NADK2: variants seen among roughly 807,000 people sequenced by gnomAD.
NADK2 encodes the protein NAD kinase 2, mitochondrial.
NADK2 carries 35 observed loss-of-function variants against 62.1 expected under a neutral mutation model. The observed-to-expected ratio is 0.56, with a 90% CI of 0.43 to 0.75. NADK2 has a LOEUF of 0.75. Ranked by LOEUF, NADK2 falls within the 30% of genes least tolerant of loss-of-function variation. The pLI is 0.00. For synonymous variants in NADK2, 205 were observed against 207.9 expected, an observed-to-expected ratio of 0.99 and a Z score of 0.12; for missense variants, 439 against 561.3, an observed-to-expected ratio of 0.78 and a Z score of 2.20.
intron 2 of NADK2, among the ~76,000 whole-genome samples, chr5:36,227,061 T>C (rs1473414528): frequency 6.6e-6 from 1 of 152,210 alleles, no homozygotes; most frequent in African/African-American, 2.4e-5. Context: ...TGTACACATA[T>C]AATTGTGTTT....
At chr5:36,200,334 T>C (rs1290847671) in intron 9 of NADK2, 54 bp from the exon 10 acceptor site, 2 of 1,161,832 alleles carry the variant, frequency 1.7e-6, no homozygotes, top group African/African-American at 3.3e-5. Context: ...ATATCTTATA[T>C]ATATATTTTC....
At chr5:36,213,368 ATTC>A (rs967750484) in intron 6 of NADK2, among the ~76,000 whole-genome samples, 3 of 152,028 alleles carry the variant, frequency 2.0e-5, no homozygotes, top group Non-Finnish European at 2.9e-5. Flanking sequence ...ACATTGATCT[ATTC>A]TTCTCCTTTG....
intron 1 of NADK2, among the ~76,000 whole-genome samples, chr5:36,230,708 G>A (rs1029121257): frequency 2.0e-5 from 3 of 152,188 alleles, no homozygotes; most frequent in African/African-American, 7.2e-5. Context: ...AGTTAGATTA[G>A]TTACTATAGT....
chr5:36,207,344 A>C (rs958220203), intron 7 of NADK2, 79 bp from the exon 8 acceptor site: 1 of 1,040,418 alleles, frequency 9.6e-7, no homozygotes, highest in Non-Finnish European at 1.4e-6. Flanking sequence ...GAACTAAGGA[A>C]ATCTTAAGTA....
At chr5:36,215,639 T>C (rs1006709729) in intron 6 of NADK2, among the ~76,000 whole-genome samples, 2 of 152,172 alleles carry the variant, frequency 1.3e-5, no homozygotes, top group African/African-American at 4.8e-5. Context: ...ATCACTGTAC[T>C]CTCTATCTTC....
At chr5:36,207,077 C>T (rs751418388) in intron 8 of NADK2, 93 bp downstream of exon 8, 6 of 951,998 alleles carry the variant, frequency 6.3e-6, no homozygotes, top group Non-Finnish European at 1.0e-5. Flanking sequence ...CACCAGGACA[C>T]CTCTTGCATA....
chr5:36,230,736 T>G (rs1747678316), intron 1 of NADK2, among the ~76,000 whole-genome samples: 2 of 152,234 alleles, frequency 1.3e-5, no homozygotes, highest in Admixed American at 6.5e-5. Context: ...TTTGTTATAA[T>G]TATCTCTTAC....
At chr5:36,226,694 G>A (rs1479061934) in intron 2 of NADK2, 131 bp from the exon 3 acceptor site, 2 of 590,888 alleles carry the variant, frequency 3.4e-6, no homozygotes, top group Non-Finnish European at 5.9e-6. Flanking sequence ...AAATTTACAT[G>A]GAGCTTTATA....
upstream of NADK2, chr5:36,241,947 G>A (rs1748158329): frequency 1.7e-6 from 1 of 603,492 alleles, no homozygotes; most frequent in Non-Finnish European, 2.2e-6. This position sits in a 1 kb window ranked among gnomAD's most constrained non-coding sequence, Gnocchi z 4.9. Flanking sequence ...TGGCCCACGC[G>A]GCTAGGGGGA....
rs1313023770 is a variant in NADK2, at chr5:36,193,876, AT to A, written c.*1267del. 1.3e-5 allele frequency: 2 copies of A among 152,650 alleles called. No homozygotes were observed. The highest frequency in any genetic ancestry group is 2.9e-5 in the Non-Finnish European group (2 of 68,038). 9.5% of individuals were successfully genotyped at this position (152,650 alleles called of 1,614,324 possible). On this transcript the variant is annotated 3_prime_UTR_variant, in exon 12 of 12. Coordinates refer to ENST00000381937, the MANE Select transcript of NADK2 (RefSeq NM_001085411.3). ...TATAAGGATAGAGTCTGTTTCATTC[AT>A]CAACATATCCAGCACCTGACATAGT...
Position 36,195,110 on chromosome 5 carries a change from C to T in NADK2, c.*34G>A, listed in dbSNP as rs572380990. 44 of 1,578,744 alleles carry T rather than the reference C, an allele frequency of 2.8e-5. No homozygotes were observed. The African/African-American group carries it at 3.4e-4, about 12-fold the overall frequency. On this transcript the variant is annotated 3_prime_UTR_variant, in exon 12 of 12. Transcript: ENST00000381937. Reference sequence around the variant, plus strand: ...TCTGTTTCTGAAGTAAAAATATTCTCGCCAGTAATCAAAATTTGTCATGAG... The same window carrying T: ...TCTGTTTCTGAAGTAAAAATATTCTTGCCAGTAATCAAAATTTGTCATGAG...
At position 36,201,128 on chromosome 5, in the gene NADK2, A is replaced by G. The variant is rs1746430589; in HGVS notation, c.990T>C (p.Ala330=). Residue 330 remains alanine (A), a synonymous_variant, in exon 9 of 12, where the codon GCT becomes GCC. Coordinates refer to ENST00000381937, the MANE Select transcript of NADK2 (RefSeq NM_001085411.3). ...CACCAATATTTAAAACATCTTCTACAGCCTGAGTTGCAACCCTGTTAATAT... is the reference window on the plus strand; with the variant it reads ...CACCAATATTTAAAACATCTTCTACGGCCTGAGTTGCAACCCTGTTAATAT... ...SFNINRVATQ[A]VEDVLNIAKR... 6.2e-7 allele frequency: 1 copy of G among 1,612,454 alleles called. No individual in the cohort carries two copies.
intron 1 of NADK2, among the ~76,000 whole-genome samples, chr5:36,235,446 A>T (rs1186369263): frequency 6.6e-6 from 1 of 152,232 alleles, no homozygotes; most frequent in Non-Finnish European, 1.5e-5. Flanking sequence ...TCTAAAAATT[A>T]TGTGAGAAAG....
At chr5:36,212,189 C>A (rs1008808584) in intron 6 of NADK2, 5 of 251,056 alleles carry the variant, frequency 2.0e-5, no homozygotes, top group Non-Finnish European at 3.0e-5. Flanking sequence ...GAGTGATGAA[C>A]TATATTTATC....
intron 11 of NADK2, among the ~76,000 whole-genome samples, chr5:36,195,749 C>A (rs941250775): frequency 3.3e-5 from 5 of 152,156 alleles, no homozygotes; most frequent in Non-Finnish European, 7.4e-5. Flanking sequence ...CAGGAATCAA[C>A]TCTTACCCAG....
intron 1 of NADK2, among the ~76,000 whole-genome samples, chr5:36,235,895 AT>A: frequency 5.1e-5 from 1 of 19,610 alleles, no homozygotes; most frequent in Non-Finnish European, 4.3e-4. Flanking sequence ...AAATATATAT[AT>A]ATATATATAT....
intron 4 of NADK2, among the ~76,000 whole-genome samples, chr5:36,222,927 T>G (rs1270577968): frequency 2.6e-5 from 4 of 152,146 alleles, no homozygotes; most frequent in Admixed American, 2.6e-4. Flanking sequence ...TATTGGTACA[T>G]GTTACAATTT....
intron 8 of NADK2, among the ~76,000 whole-genome samples, chr5:36,204,820 A>G (rs1746574251): frequency 6.6e-6 from 1 of 152,052 alleles, no homozygotes; most frequent in African/African-American, 2.4e-5. Context: ...ATAGGACAAA[A>G]GTAGATAGGG....
chr5:36,218,029 C>A, intron 5 of NADK2, 145 bp from the exon 6 acceptor site: 1 of 619,068 alleles, frequency 1.6e-6, no homozygotes, highest in Non-Finnish European at 2.7e-6. Context: ...ACACCTAAAG[C>A]CTATAGCTTC....
Sources: allele counts gnomAD v4.1 joint callset (sites outside exome capture counted in the v4.1 genomes callset), GRCh38; gene constraint gnomAD v4.1.1; non-coding constraint Gnocchi (gnomAD v3.1); transcripts MANE v1.5; gene names NCBI Gene and HGNC (gene_info 2026-07-23, HGNC 2026-07-21).